TENM1: variants seen among roughly 807,000 people sequenced by gnomAD.
TENM1 encodes the protein teneurin transmembrane protein 1, also known as teneurin-1.
A neutral mutation model predicts 174.8 loss-of-function variants in TENM1; 35 were observed. The ratio of observed to expected loss-of-function variants is 0.20; its 90% CI spans 0.15 to 0.27. TENM1 has a LOEUF of 0.27. Ranked by LOEUF, TENM1 falls within the 10% of genes least tolerant of loss-of-function variation. The pLI, the probability that TENM1 is intolerant of heterozygous loss-of-function variation, is 1.00. For synonymous variants in TENM1, 781 were observed against 798.7 expected, an observed-to-expected ratio of 0.98 and a Z score of 0.37; for missense variants, 1,633 against 2,130.1, an observed-to-expected ratio of 0.77 and a Z score of 4.59.
intron 1 of TENM1, among the ~76,000 whole-genome samples, chrX:124,928,402 T>G (rs112293227): frequency 8.9e-6 from 1 of 112,088 alleles, no homozygotes; most frequent in African/African-American, 3.2e-5. Context: ...ATGGAAAAAT[T>G]TGTGAGCTCG....
intron 18 of TENM1, among the ~76,000 whole-genome samples, chrX:124,518,386 C>A (rs375704418): frequency 1.2e-5 from 1 of 81,321 alleles, no homozygotes; most frequent in East Asian, 4.6e-4. Flanking sequence ...AGAGATTATG[C>A]GTGTGTGTGT....
chrX:125,082,695 G>C, the TENM1 span, among the ~76,000 whole-genome samples: 2 of 110,946 alleles, frequency 1.8e-5, no homozygotes, highest in African/African-American at 6.5e-5. Flanking sequence ...TAGTATCCAG[G>C]TGCATTACAT....
chrX:125,156,403 A>G, the TENM1 span, among the ~76,000 whole-genome samples: 1 of 110,857 alleles, frequency 9.0e-6, no homozygotes, highest in South Asian at 3.8e-4. Flanking sequence ...CAGTCCTCAC[A>G]CTCTTCCCAC....
intron 23 of TENM1, among the ~76,000 whole-genome samples, chrX:124,441,512 T>C (rs914298712): frequency 8.9e-6 from 1 of 112,355 alleles, no homozygotes; most frequent in Non-Finnish European, 1.9e-5. Flanking sequence ...CCTCTTTATC[T>C]TGTAGGAACT....
At chrX:124,798,013 A>G (rs2055347039) in intron 3 of TENM1, among the ~76,000 whole-genome samples, 1 of 111,378 alleles carries the variant, frequency 9.0e-6, no homozygotes, top group Non-Finnish European at 1.9e-5. Context: ...ATGTCCCTGC[A>G]AAGGACATGA....
chrX:124,888,251 T>C (rs2057420971), intron 3 of TENM1, among the ~76,000 whole-genome samples: 1 of 111,782 alleles, frequency 8.9e-6, no homozygotes, highest in African/African-American at 3.3e-5. Context: ...GCAGTACTAA[T>C]GGATTTCTTG....
At chrX:124,518,194 TA>T (rs2047759329) in intron 18 of TENM1, among the ~76,000 whole-genome samples, 2 of 110,715 alleles carry the variant, frequency 1.8e-5, no homozygotes, top group South Asian at 7.8e-4. Flanking sequence ...CAGGGGCTGC[TA>T]TTGTCTAATG....
chrX:124,552,959 T>A (rs1449001787), intron 14 of TENM1, among the ~76,000 whole-genome samples: 1 of 111,550 alleles, frequency 9.0e-6, no homozygotes, highest in East Asian at 2.8e-4. Context: ...TTTCCTGCCT[T>A]ATTTTAATCT....
the TENM1 span, among the ~76,000 whole-genome samples, chrX:125,096,770 T>C: frequency 1.8e-5 from 2 of 110,670 alleles, no homozygotes; most frequent in Non-Finnish European, 3.8e-5. Context: ...CCTCGAAGTC[T>C]GTAATACTTG....
At chrX:124,664,532 GAAAAAAAAAAAAAAA>G (rs779501054) in intron 6 of TENM1, among the ~76,000 whole-genome samples, 32 of 29,276 alleles carry the variant, frequency 1.1e-3, no homozygotes, top group Non-Finnish European at 1.1e-3. Flanking sequence ...TAAAGCAAAA[GAAAAAAAAAAAAAAA>G]AAAAAAAAAG....
chrX:124,794,256 T>C (rs2055251800), intron 3 of TENM1, among the ~76,000 whole-genome samples: 1 of 111,607 alleles, frequency 9.0e-6, no homozygotes, highest in African/African-American at 3.3e-5. Context: ...AGGCTAACTA[T>C]GTGCTCCTCA....
chrX:125,092,990 G>T, the TENM1 span, among the ~76,000 whole-genome samples: 4 of 112,105 alleles, frequency 3.6e-5, no homozygotes, highest in Non-Finnish European at 7.5e-5. Context: ...AAAGCTACTA[G>T]AACTTCCAGT....
chrX:124,450,354 C>T (rs747384521), intron 23 of TENM1, among the ~76,000 whole-genome samples: 193 of 55,901 alleles, frequency 3.5e-3, no homozygotes, highest in Non-Finnish European at 6.3e-3. Context: ...AGCGAGACTC[C>T]GTCTCAAAAA....
At chrX:124,677,855 C>T (rs1252545361) in intron 5 of TENM1, among the ~76,000 whole-genome samples, 1 of 111,225 alleles carries the variant, frequency 9.0e-6, no homozygotes, top group African/African-American at 3.3e-5. Flanking sequence ...TAGTTAATAG[C>T]CTCATACCAA....
At chrX:124,383,576 A>G (rs1051285086) in intron 30 of TENM1, 58 bp downstream of exon 33, 10 of 1,009,069 alleles carry the variant, frequency 9.9e-6, no homozygotes, top group African/African-American at 1.9e-5. Context: ...ATTCTGTGAT[A>G]AAATCAACAG....
chrX:125,161,115 A>ATAC, the TENM1 span, among the ~76,000 whole-genome samples: 1 of 108,573 alleles, frequency 9.2e-6, no homozygotes, highest in African/African-American at 3.4e-5. Context: ...ATCTGTATCC[A>ATAC]TACAATGGAA....
intron 21 of TENM1, 41 bp from the exon 25 acceptor site, chrX:124,482,005 A>G: frequency 1.1e-6 from 1 of 923,879 alleles, no homozygotes; most frequent in Admixed American, 2.3e-5. Flanking sequence ...GCAATTTTTC[A>G]ACACGAACCC....
chrX:124,509,014 C>T (rs1312764620), intron 18 of TENM1, among the ~76,000 whole-genome samples: 6 of 110,878 alleles, frequency 5.4e-5, no homozygotes, highest in Non-Finnish European at 7.5e-5. Flanking sequence ...AAGACAGCAT[C>T]CCTCCCCCCA....
the TENM1 span, among the ~76,000 whole-genome samples, chrX:125,182,446 C>T: frequency 2.9e-4 from 3 of 10,284 alleles, no homozygotes; most frequent in East Asian, 4.0e-3. Flanking sequence ...GACATCTTTT[C>T]GGCGGGCGGG....
Sources: gnomAD v4.1 joint callset for allele counts (sites outside exome capture counted in the v4.1 genomes callset) on GRCh38, gnomAD v4.1.1 for gene constraint, MANE v1.5 for transcripts, NCBI Gene and HGNC (gene_info 2026-07-23, HGNC 2026-07-21) for gene names.